Variants in TENM2 observed in about 807,000 individuals in gnomAD.
The protein encoded by TENM2 is teneurin transmembrane protein 2, also known as teneurin-2.
Under a neutral mutation model 245.2 loss-of-function variants are expected in TENM2, and 52 were observed. That is an observed-to-expected ratio of 0.21 (90% CI 0.17 to 0.27). The LOEUF (loss-of-function observed/expected upper bound fraction) is 0.27, where lower values mean the gene tolerates loss of function less well. Among genes scored for constraint, TENM2 ranks in the 10% least tolerant of loss-of-function variants. The pLI is 1.00. For synonymous variants in TENM2, 1,363 were observed against 1,438.9 expected (o/e 0.95, Z 1.19); for missense variants, 3,046 against 3,666.8 (o/e 0.83, Z 4.37).
At chr5:167,271,362 T>C in the TENM2 span, among the ~76,000 whole-genome samples, 4 of 152,164 alleles carry the variant, frequency 2.6e-5, no homozygotes, top group East Asian at 3.9e-4. Flanking sequence ...GGAACAGGCT[T>C]CAGTAAACCT....
intron 2 of TENM2, among the ~76,000 whole-genome samples, chr5:167,427,861 G>A (rs1763963209): frequency 7.2e-6 from 1 of 139,114 alleles, no homozygotes; most frequent in Non-Finnish European, 1.5e-5. Flanking sequence ...AGGAAGGACG[G>A]AAAGGAAGGG....
intron 14 of TENM2, 52 bp from the exon 17 acceptor site, chr5:168,195,124 G>T (rs1761297889): frequency 2.6e-6 from 4 of 1,554,254 alleles, no homozygotes; most frequent in Non-Finnish European, 3.5e-6. Flanking sequence ...GTGGGGAATT[G>T]TCTCTGTTCT....
chr5:168,130,177 T>C (rs910996665), intron 12 of TENM2: 2 of 152,248 alleles, frequency 1.3e-5, no homozygotes, highest in Non-Finnish European at 2.9e-5. Context: ...GATCAGTCCA[T>C]GTTTGGTTAA....
At chr5:168,231,670 T>A (rs2152635595) in intron 25 of TENM2, among the ~76,000 whole-genome samples, 1 of 149,476 alleles carries the variant, frequency 6.7e-6, no homozygotes, top group Non-Finnish European at 1.5e-5. Context: ...GAGGCCAAAG[T>A]GGGAGGATCA....
chr5:167,470,454 C>CTTTTCT (rs1766940833), intron 2 of TENM2, among the ~76,000 whole-genome samples: 1 of 47,394 alleles, frequency 2.1e-5, no homozygotes, highest in Non-Finnish European at 3.6e-5. Context: ...GCAATGCTTG[C>CTTTTCT]TTTTTTTTTT....
chr5:167,640,861 A>T (rs1392946309), intron 2 of TENM2, among the ~76,000 whole-genome samples: 1 of 4,076 alleles, frequency 2.5e-4, no homozygotes, highest in Non-Finnish European at 3.9e-4. Flanking sequence ...ATATATATCC[A>T]TATATATATA....
chr5:167,426,816 GAAAAAA>G (rs1042804084), intron 2 of TENM2, among the ~76,000 whole-genome samples: 1 of 150,784 alleles, frequency 6.6e-6, no homozygotes, highest in African/African-American at 2.4e-5. Flanking sequence ...AATTCTAGAA[GAAAAAA>G]AAATCAACAA....
intron 2 of TENM2, among the ~76,000 whole-genome samples, chr5:167,521,537 A>G (rs1770756295): frequency 6.6e-6 from 1 of 152,226 alleles, no homozygotes; most frequent in African/African-American, 2.4e-5. Flanking sequence ...CAAGCTTGTC[A>G]CTGTGTCTGG....
intron 2 of TENM2, among the ~76,000 whole-genome samples, chr5:167,730,814 T>A (rs1465431707): frequency 6.6e-6 from 1 of 152,196 alleles, no homozygotes; most frequent in African/African-American, 2.4e-5. Context: ...CCCAGAGGCA[T>A]TTACCAAACT....
intron 2 of TENM2, among the ~76,000 whole-genome samples, chr5:167,600,058 A>AAAAAAAAAAAAAG (rs1554088005): frequency 2.0e-5 from 3 of 152,128 alleles, no homozygotes; most frequent in African/African-American, 4.8e-5. Flanking sequence ...AGGCGGGAGA[A>AAAAAAAAAAAAAG]TTGCTTGAAC....
In TENM2 at chr5:167,445,369, A is replaced by AGAGAGAGAGAGT. The variant is rs35699708; in HGVS notation, c.502+69897_502+69898insAGAGAGAGAGTG. Among the ~76,000 whole-genome samples the AGAGAGAGAGAGT allele has an allele frequency of 8.7e-3, 858 of 98,320 alleles. 33 individuals are homozygous for AGAGAGAGAGAGT. Among genetic ancestry groups the AGAGAGAGAGAGT allele is most frequent in the East Asian group, 0.072 (175 of 2,418 alleles). 64.5% of individuals were successfully genotyped at this position (98,320 alleles called of 152,430 possible). ...GAGAGAGAGAGAGAGAGAGAGAGAGAGTGTCAGGTGTTGTCTTGTTGTTGG... is the reference window on the plus strand; with the variant it reads ...GAGAGAGAGAGAGAGAGAGAGAGAGAGAGAGAGAGAGTGTGTCAGGTGTTGTCTTGTTGTTGG... On this transcript the variant is annotated intron_variant, in intron 2 of 28. Coordinates refer to ENST00000518659, the Ensembl canonical transcript of TENM2.
the TENM2 span, among the ~76,000 whole-genome samples, chr5:167,259,208 G>A: frequency 2.3e-3 from 343 of 152,232 alleles, 4 homozygotes; most frequent in Middle Eastern, 3.4e-3. Context: ...AGTCAAGCAG[G>A]TAATGCGAAT....
chr5:167,046,751 A>G, the TENM2 span, among the ~76,000 whole-genome samples: 5 of 152,012 alleles, frequency 3.3e-5, no homozygotes, highest in Non-Finnish European at 7.4e-5. Flanking sequence ...GGTTCGTTAC[A>G]TAGGTATCCA....
Position 168,184,456 on chromosome 5 carries a change from A to T in TENM2, c.2570-5881A>T, listed in dbSNP as rs554028498. 7.9e-5 allele frequency among the ~76,000 whole-genome samples: 12 copies of T among 152,340 alleles called. No individual in the cohort carries two copies. The South Asian group carries it at 2.5e-3, about 32-fold the overall frequency. On this transcript the variant is annotated intron_variant, in intron 13 of 28. Transcript: ENST00000518659. ...TAGGTGTTCTTCTGGAGCCTTTAAT[A>T]CCTAGGAAAGCCATGGAGTTCATGC...
chr5:167,124,557 ATTTATTTATTTTTAACTT>A, the TENM2 span, among the ~76,000 whole-genome samples: 3 of 152,260 alleles, frequency 2.0e-5, no homozygotes, highest in South Asian at 6.2e-4. Flanking sequence ...AATGAGTGTC[ATTTATTTATTTTTAACTT>A]TCAATACACT....
intron 4 of TENM2, among the ~76,000 whole-genome samples, chr5:167,985,292 G>A (rs1645959942): frequency 6.6e-6 from 1 of 151,984 alleles, no homozygotes; most frequent in Non-Finnish European, 1.5e-5. Flanking sequence ...AATATTTTAG[G>A]GATTAATGGG....
chr5:167,659,775 C>T (rs1755083736), intron 2 of TENM2, among the ~76,000 whole-genome samples: 1 of 152,126 alleles, frequency 6.6e-6, no homozygotes, highest in Non-Finnish European at 1.5e-5. Context: ...CTTCTAGTTA[C>T]TGACTGGGTA....
At chr5:167,544,690 C>G (rs1181330574) in intron 2 of TENM2, among the ~76,000 whole-genome samples, 4 of 152,168 alleles carry the variant, frequency 2.6e-5, no homozygotes, top group Admixed American at 1.3e-4. Context: ...TTTCATTCAA[C>G]AAATGTGTAC....
At chr5:167,894,964 A>G (rs376055223) in intron 3 of TENM2, among the ~76,000 whole-genome samples, 2 of 126,366 alleles carry the variant, frequency 1.6e-5, no homozygotes, top group African/African-American at 5.8e-5. Flanking sequence ...GAAGGAAGGA[A>G]GGAAGGAAGG....
Sources: allele counts gnomAD v4.1 joint callset (sites outside exome capture counted in the v4.1 genomes callset), GRCh38; gene constraint gnomAD v4.1.1; transcripts MANE v1.5; gene names NCBI Gene and HGNC (gene_info 2026-07-23, HGNC 2026-07-21).